Variants in SRPRA observed in about 807,000 individuals in gnomAD.
The protein encoded by SRPRA is signal recognition particle receptor subunit alpha.
Under a neutral mutation model 61.1 loss-of-function variants are expected in SRPRA, and 30 were observed. The observed-to-expected ratio is 0.49, with a 90% CI of 0.37 to 0.67. SRPRA has a LOEUF of 0.67. Ranked by LOEUF, SRPRA falls within the 30% of genes least tolerant of loss-of-function variation. The pLI is 0.00. For missense variants in SRPRA, 759 were observed against 828.4 expected (o/e 0.92, Z 1.03); for synonymous variants, 324 against 299.7 (o/e 1.08, Z -0.84).
At chr11:126,262,350 A>C, downstream of SRPRA, 52 of 513,434 alleles carry the variant, frequency 1.0e-4, no homozygotes, top group Middle Eastern at 4.1e-4. Flanking sequence ...CAAGAATAAA[A>C]GCGACAGCAG....
the SRPRA span, among the ~76,000 whole-genome samples, chr11:126,253,322 C>T: frequency 6.6e-6 from 1 of 152,146 alleles, no homozygotes; most frequent in Non-Finnish European, 1.5e-5. The surrounding 1 kb of genome is among the most constrained non-coding windows in gnomAD (Gnocchi z 5.1). Flanking sequence ...AATTCTAAAT[C>T]TCGGTGCCTC....
chr11:126,268,093 A>G lies in SRPRA; in HGVS notation c.118-7T>C. ...AGTTGTTACCTCCCCGTTCCTGGAG[A>G]AAGAGTATGTCTCAGTGTTCAGACT... On this transcript the variant is annotated splice_region_variant and splice_polypyrimidine_tract_variant and intron_variant, in intron 1 of 13. Transcript: ENST00000332118. 6.2e-7 allele frequency: 1 copy of G among 1,613,498 alleles called. No homozygotes were observed. Among genetic ancestry groups the G allele is most frequent in the Non-Finnish European group, 8.5e-7 (1 of 1,179,554 alleles).
the SRPRA span, among the ~76,000 whole-genome samples, chr11:126,243,972 A>G: frequency 6.6e-6 from 1 of 152,134 alleles, no homozygotes; most frequent in African/African-American, 2.4e-5. Context: ...ACAAAACCAC[A>G]TGATTTTCTC....
rs1950793585 is a variant in SRPRA at position 126,265,611 on chromosome 11, C to G, written c.1138+126G>C. 8.0e-7 allele frequency: 1 copy of G among 1,257,128 alleles called. No individual in the cohort carries two copies. The highest frequency in any genetic ancestry group is 1.3e-5 in the South Asian group (1 of 76,080). 77.9% of individuals were successfully genotyped at this position (1,257,128 alleles called of 1,614,324 possible). ...TAACTCACTGAATCCTCTCAATAAC[C>G]CTTAAAATCTAGGTTACAGAGGTTT... is the stretch of plus-strand genomic sequence containing the variant. On this transcript the variant is annotated intron_variant, in intron 9 of 13. Coordinates refer to ENST00000332118, the MANE Select transcript of SRPRA (RefSeq NM_003139.4). This position sits in a 1 kb window ranked among gnomAD's most constrained non-coding sequence, Gnocchi z 6.3.
At chr11:126,236,855 G>A in the SRPRA span, among the ~76,000 whole-genome samples, 1 of 134,596 alleles carries the variant, frequency 7.4e-6, no homozygotes, top group Non-Finnish European at 1.6e-5. Context: ...CGTTATTTTT[G>A]ATTTATGAAG....
chr11:126,240,730 T>C, the SRPRA span: 2 of 1,481,796 alleles, frequency 1.3e-6, no homozygotes, highest in African/African-American at 2.8e-5. Flanking sequence ...AGTCAGACAG[T>C]CTTTCTGTGT....
At chr11:126,257,443 T>C in the SRPRA span, among the ~76,000 whole-genome samples, 3 of 152,126 alleles carry the variant, frequency 2.0e-5, no homozygotes, top group East Asian at 5.8e-4. Context: ...TGGTGGAGAT[T>C]CTACAGATAT....
the SRPRA span, among the ~76,000 whole-genome samples, chr11:126,240,474 C>T: frequency 6.6e-6 from 1 of 151,940 alleles, no homozygotes; most frequent in Non-Finnish European, 1.5e-5. Flanking sequence ...TGGCAGAAGT[C>T]AGCTGAGCTA....
At chr11:126,262,277 G>T, downstream of SRPRA, 1 of 805,896 alleles carries the variant, frequency 1.2e-6, no homozygotes, top group Non-Finnish European at 2.1e-6. Context: ...AGAAGAGGGG[G>T]GAATGTTGCA....
At chr11:126,254,050 CT>C in the SRPRA span, among the ~76,000 whole-genome samples, 2 of 152,336 alleles carry the variant, frequency 1.3e-5, no homozygotes, top group South Asian at 4.1e-4. Context: ...CCTGTTGTTT[CT>C]GCAAATTATG....
the SRPRA span, among the ~76,000 whole-genome samples, chr11:126,243,999 A>G: frequency 6.6e-6 from 1 of 152,316 alleles, no homozygotes; most frequent in South Asian, 2.1e-4. Flanking sequence ...TGCAGAAAAA[A>G]CATGTTAGCA....
At chr11:126,261,982 T>A (rs59916901), downstream of SRPRA, 1,762 of 826,182 alleles carry the variant, frequency 2.1e-3, 19 homozygotes, top group African/African-American at 0.024. Flanking sequence ...TAAATAAAAT[T>A]TTAAATAAAT....
chr11:126,262,487 G>C (rs1483804534), downstream of SRPRA: 1 of 316,488 alleles, frequency 3.2e-6, no homozygotes. Flanking sequence ...GGATGCCATG[G>C]AATCACTGTG....
At chr11:126,244,388 G>A in the SRPRA span, among the ~76,000 whole-genome samples, 15 of 152,134 alleles carry the variant, frequency 9.9e-5, no homozygotes, top group East Asian at 1.9e-4. This position sits in a 1 kb window ranked among gnomAD's most constrained non-coding sequence, Gnocchi z 4.5. Context: ...TGGAGAATCC[G>A]GGATCAATAT....
At chr11:126,255,636 A>G in the SRPRA span, among the ~76,000 whole-genome samples, 1 of 152,200 alleles carries the variant, frequency 6.6e-6, no homozygotes, top group East Asian at 1.9e-4. This position sits in a 1 kb window ranked among gnomAD's most constrained non-coding sequence, Gnocchi z 4.6. Context: ...ATTAAGATAT[A>G]TGAAGACCTA....
In SRPRA at chr11:126,268,736, G is replaced by C. The variant is rs749348049; in HGVS notation, c.69C>G (p.Asp23Glu). The C allele has an allele frequency of 6.2e-7, 1 of 1,613,916 alleles. No homozygotes were observed. The highest frequency in any genetic ancestry group is 1.3e-5 in the African/African-American group (1 of 75,074). Residue 23 changes from aspartate (D) to glutamate (E), a missense_variant, in exon 1 of 14, where the codon GAC (aspartate) becomes GAG (glutamate). By Grantham distance (45) the Asp-to-Glu change is conservative. Around this residue, in one of 2 missense-constraint regions of SRPRA, gnomAD observed 475 missense variants for 462.5 expected, o/e 1.03. Transcript: ENST00000332118. ...LVLWCFQGVS[D>E]SCTGPVNALI... Reference sequence around the variant, plus strand: ...ACGCGTTAACGGGTCCGGTGCATGAGTCGCTAACGCCCTGGAAGCACCAGA... The same window carrying C: ...ACGCGTTAACGGGTCCGGTGCATGACTCGCTAACGCCCTGGAAGCACCAGA...
the SRPRA span, among the ~76,000 whole-genome samples, chr11:126,255,431 C>G: frequency 6.6e-6 from 1 of 152,248 alleles, no homozygotes; most frequent in East Asian, 1.9e-4. The surrounding 1 kb of genome is among the most constrained non-coding windows in gnomAD (Gnocchi z 4.6). Flanking sequence ...CTGCATCCAT[C>G]TCTGACATTG....
downstream of SRPRA, among the ~76,000 whole-genome samples, chr11:126,259,978 C>T (rs369478945): frequency 5.9e-5 from 9 of 152,154 alleles, no homozygotes; most frequent in South Asian, 1.0e-3. Context: ...CCTCAGCCTC[C>T]CAAAGTGCTG....
chr11:126,268,678 G>A lies in SRPRA; in HGVS notation c.117+10C>T. 1 of 1,610,584 alleles carries A rather than the reference G, an allele frequency of 6.2e-7. No homozygotes were observed. The highest frequency in any genetic ancestry group is 8.5e-7 in the Non-Finnish European group (1 of 1,177,170). ...AAGAGCCTGGAGTTCTGATCCCACG[G>A]GGACGGTACCTGCAGCAGCACGGAA... On this transcript the variant is annotated intron_variant, in intron 1 of 13. Coordinates refer to ENST00000332118, the MANE Select transcript of SRPRA (RefSeq NM_003139.4).
Sources: allele counts gnomAD v4.1 joint callset (sites outside exome capture counted in the v4.1 genomes callset), GRCh38; gene constraint gnomAD v4.1.1; regional missense constraint gnomAD v4.1.1; non-coding constraint Gnocchi (gnomAD v3.1); transcripts MANE v1.5; gene names NCBI Gene and HGNC (gene_info 2026-07-23, HGNC 2026-07-21).